The following KCNMA1 variants were observed in gnomAD, a reference collection of about 807,000 sequenced individuals.
KCNMA1 encodes the protein Calcium-activated potassium channel subunit alpha-1.
KCNMA1 carries 29 observed loss-of-function variants against 140.0 expected under a neutral mutation model. That is an observed-to-expected ratio of 0.21 (90% CI 0.15 to 0.28). The LOEUF is 0.28. Among genes scored for constraint, KCNMA1 ranks in the 10% least tolerant of loss-of-function variants. KCNMA1 has a pLI of 1.00. For synonymous variants in KCNMA1, 612 were observed against 611.9 expected (o/e 1.00, Z 0.00); for missense variants, 880 against 1,602.2 (o/e 0.55, Z 7.70).
At chr10:76,883,721 G>GTTTTTTTT (rs113872996), downstream of KCNMA1, among the ~76,000 whole-genome samples, 3 of 113,196 alleles carry the variant, frequency 2.7e-5, no homozygotes, top group Non-Finnish European at 3.7e-5. Context: ...TTACTTCCTT[G>GTTTTTTTT]TTTTTTTTTT....
intron 1 of KCNMA1, chr10:77,635,150 T>C (rs928987342): frequency 5.9e-5 from 9 of 152,246 alleles, no homozygotes; most frequent in Non-Finnish European, 4.4e-5. Flanking sequence ...TTTCTAATCG[T>C]TGCCAAAAAC....
At chr10:77,622,065 T>C (rs1157509689) in intron 1 of KCNMA1, among the ~76,000 whole-genome samples, 1 of 152,164 alleles carries the variant, frequency 6.6e-6, no homozygotes. Context: ...CCTGGAGTTG[T>C]ACATTGAGTA....
chr10:77,599,875 G>A (rs575498412), intron 1 of KCNMA1, among the ~76,000 whole-genome samples: 4 of 152,214 alleles, frequency 2.6e-5, no homozygotes, highest in African/African-American at 9.6e-5. Context: ...CCGTCCTCCT[G>A]TGTGCCACCC....
chr10:77,487,565 A>G (rs1048549967), intron 1 of KCNMA1, among the ~76,000 whole-genome samples: 1 of 152,146 alleles, frequency 6.6e-6, no homozygotes, highest in South Asian at 2.1e-4. Flanking sequence ...TCAACACAAT[A>G]TCCCAATAAA....
intron 19 of KCNMA1, among the ~76,000 whole-genome samples, chr10:76,997,522 T>G (rs2084782187): frequency 6.6e-6 from 1 of 152,238 alleles, no homozygotes; most frequent in African/African-American, 2.4e-5. Flanking sequence ...TCAGCAGGTC[T>G]GAATCAGTAT....
chr10:77,398,878 C>T (rs926381847), intron 2 of KCNMA1, among the ~76,000 whole-genome samples: 9 of 152,184 alleles, frequency 5.9e-5, no homozygotes, highest in African/African-American at 2.2e-4. Flanking sequence ...GTTTCTTGCC[C>T]TCTTTATTTA....
intron 2 of KCNMA1, among the ~76,000 whole-genome samples, chr10:77,395,585 C>G (rs2096017637): frequency 6.6e-6 from 1 of 152,184 alleles, no homozygotes; most frequent in Non-Finnish European, 1.5e-5. Flanking sequence ...GACTGCAGGA[C>G]TTCTGTAAGT....
At chr10:77,566,100 T>C (rs1177293814) in intron 1 of KCNMA1, among the ~76,000 whole-genome samples, 2 of 148,764 alleles carry the variant, frequency 1.3e-5, no homozygotes, top group Non-Finnish European at 3.0e-5. Context: ...CAAGGAAAGA[T>C]GGAAATATTC....
intron 2 of KCNMA1, among the ~76,000 whole-genome samples, chr10:77,354,090 G>A (rs1188022362): frequency 1.3e-5 from 2 of 151,918 alleles, no homozygotes; most frequent in East Asian, 3.9e-4. Flanking sequence ...GGGTTCAAGC[G>A]ATTCTCCTGC....
intron 1 of KCNMA1, among the ~76,000 whole-genome samples, chr10:77,625,980 G>C (rs930952757): frequency 6.6e-6 from 1 of 151,848 alleles, no homozygotes; most frequent in Non-Finnish European, 1.5e-5. Context: ...ACTGCACAAG[G>C]GTTCCAATTT....
At chr10:77,333,392 GAAAGAAAGA>G (rs1371215613) in intron 2 of KCNMA1, among the ~76,000 whole-genome samples, 2,041 of 58,292 alleles carry the variant, frequency 0.035, 39 homozygotes, top group African/African-American at 0.13. Context: ...GAGAAAGAAA[GAAAGAAAGA>G]AAAGAAAAGA....
intron 26 of KCNMA1, among the ~76,000 whole-genome samples, chr10:76,890,235 T>C (rs1434192343): frequency 6.6e-6 from 1 of 152,176 alleles, no homozygotes; most frequent in East Asian, 1.9e-4. Context: ...ATGCAGAAAG[T>C]GAAAGCAAAT....
chr10:77,086,124 C>T (rs2096685143), intron 11 of KCNMA1, among the ~76,000 whole-genome samples: 1 of 152,026 alleles, frequency 6.6e-6, no homozygotes, highest in South Asian at 2.1e-4. Context: ...ATATTGAGTC[C>T]AACTTAAGTG....
intron 25 of KCNMA1, among the ~76,000 whole-genome samples, chr10:76,893,532 G>T (rs968187817): frequency 6.6e-6 from 1 of 152,082 alleles, no homozygotes; most frequent in South Asian, 2.1e-4. Context: ...AGTGAGGTCA[G>T]GAGTTGGGAC....
chr10:77,394,164 G>A (rs2095947975), intron 2 of KCNMA1, among the ~76,000 whole-genome samples: 1 of 152,238 alleles, frequency 6.6e-6, no homozygotes, highest in Admixed American at 6.5e-5. Flanking sequence ...AGAGCCCTGA[G>A]GGCCTGGGAG....
chr10:77,022,251 A>G (rs900104234), intron 16 of KCNMA1, among the ~76,000 whole-genome samples: 25 of 152,182 alleles, frequency 1.6e-4, no homozygotes, highest in African/African-American at 5.5e-4. Flanking sequence ...TATATAATTC[A>G]CTAGTTTATC....
chr10:77,221,580 G>A (rs191596292), intron 3 of KCNMA1, among the ~76,000 whole-genome samples: 2 of 152,202 alleles, frequency 1.3e-5, no homozygotes, highest in African/African-American at 2.4e-5. Flanking sequence ...CTAGGGGATG[G>A]ATACCCCATT....
At chr10:77,064,015 C>A in intron 14 of KCNMA1, 1 of 985,334 alleles carries the variant, frequency 1.0e-6, no homozygotes, top group Non-Finnish European at 1.2e-6. Context: ...CTGACCATTG[C>A]CGCTTCTCGG....
intron 1 of KCNMA1, among the ~76,000 whole-genome samples, chr10:77,568,128 C>G (rs993979465): frequency 1.2e-3 from 179 of 151,786 alleles, no homozygotes; most frequent in African/African-American, 3.9e-3. Context: ...AGACCAGATG[C>G]ATTCACAGCC....
Sources: gnomAD v4.1 joint callset for allele counts (sites outside exome capture counted in the v4.1 genomes callset) on GRCh38, gnomAD v4.1.1 for gene constraint, MANE v1.5 for transcripts, NCBI Gene and HGNC (gene_info 2026-07-23, HGNC 2026-07-21) for gene names.